Variants in ZNF362 observed in about 807,000 individuals in gnomAD.
ZNF362 encodes rotund homolog.
In ZNF362, 11 loss-of-function variants were observed where a neutral mutation model predicts 42.9. The observed-to-expected ratio is 0.26, with a 90% CI of 0.16 to 0.42. ZNF362 has a LOEUF of 0.42. ZNF362 is among the 20% of genes least tolerant of loss of function. The pLI is 1.00. For missense variants in ZNF362, 362 were observed against 576.2 expected (o/e 0.63, Z 3.81); for synonymous variants, 255 against 257.3 (o/e 0.99, Z 0.09).
At chr1:33,190,801 G>A in the ZNF362 span, among the ~76,000 whole-genome samples, 3 of 152,188 alleles carry the variant, frequency 2.0e-5, no homozygotes, top group African/African-American at 7.2e-5. Context: ...CTGCCAATGA[G>A]GAGGGCAGGA....
At chr1:33,220,293 A>T in the ZNF362 span, among the ~76,000 whole-genome samples, 3 of 152,218 alleles carry the variant, frequency 2.0e-5, no homozygotes, top group Non-Finnish European at 4.4e-5. Flanking sequence ...TTTATTAATA[A>T]TGATAGCAAT....
At chr1:33,210,596 A>C in the ZNF362 span, among the ~76,000 whole-genome samples, 2 of 152,156 alleles carry the variant, frequency 1.3e-5, no homozygotes, top group Non-Finnish European at 2.9e-5. Context: ...TTGCTTTATG[A>C]ATCGTGATGC....
chr1:33,234,830 T>G, the ZNF362 span, among the ~76,000 whole-genome samples: 1 of 152,142 alleles, frequency 6.6e-6, no homozygotes, highest in Non-Finnish European at 1.5e-5. Context: ...ATGCAGGAAG[T>G]GGGACCCCTC....
chr1:33,257,562 T>TG (rs905571398), intron 1 of ZNF362, among the ~76,000 whole-genome samples: 5 of 141,286 alleles, frequency 3.5e-5, no homozygotes, highest in African/African-American at 7.9e-5. Flanking sequence ...GGGATGGGGG[T>TG]GGGGGGGCGG....
the ZNF362 span, among the ~76,000 whole-genome samples, chr1:33,193,612 G>C: frequency 1.3e-5 from 2 of 152,176 alleles, no homozygotes; most frequent in Non-Finnish European, 2.9e-5. Context: ...TTATTGAGGG[G>C]TAATGCCTGT....
the ZNF362 span, chr1:33,147,791 G>C: frequency 6.5e-7 from 1 of 1,542,952 alleles, no homozygotes; most frequent in Non-Finnish European, 8.8e-7. The surrounding 1 kb of genome is among the most constrained non-coding windows in gnomAD (Gnocchi z 8.1). Flanking sequence ...ACCATGCAGT[G>C]CCTTCCTGAG....
chr1:33,296,800 A>C (rs2148142237), intron 8 of ZNF362, among the ~76,000 whole-genome samples: 1 of 150,746 alleles, frequency 6.6e-6, no homozygotes, highest in South Asian at 2.1e-4. Context: ...ATGGGAAGCT[A>C]CAGGGAGGGG....
At chr1:33,189,661 A>ATATATATATATATATG in the ZNF362 span, among the ~76,000 whole-genome samples, 3 of 20,012 alleles carry the variant, frequency 1.5e-4, no homozygotes, top group Non-Finnish European at 4.4e-4. Context: ...ATATATATAT[A>ATATATATATATATATG]TATATATATA....
the ZNF362 span, among the ~76,000 whole-genome samples, chr1:33,219,313 C>A: frequency 2.6e-5 from 4 of 152,344 alleles, no homozygotes; most frequent in African/African-American, 9.6e-5. Flanking sequence ...CACAGTGGGC[C>A]TGCCCAGCCC....
the ZNF362 span, chr1:33,158,188 CA>C: frequency 1.6e-5 from 23 of 1,471,100 alleles, no homozygotes; most frequent in Non-Finnish European, 2.0e-5. Context: ...GTGTTTAGGA[CA>C]GGGGGCTGGG....
chr1:33,158,943 CA>C, the ZNF362 span, among the ~76,000 whole-genome samples: 10 of 152,056 alleles, frequency 6.6e-5, no homozygotes, highest in Admixed American at 2.0e-4. Context: ...TGGGTTCAAG[CA>C]ATTCTCCTGC....
At chr1:33,193,430 A>G in the ZNF362 span, among the ~76,000 whole-genome samples, 7 of 152,252 alleles carry the variant, frequency 4.6e-5, no homozygotes, top group Non-Finnish European at 8.8e-5. Context: ...CTTCTATAGA[A>G]AACAACTCCC....
chr1:33,219,925 C>G, the ZNF362 span, among the ~76,000 whole-genome samples: 1 of 152,222 alleles, frequency 6.6e-6, no homozygotes, highest in Non-Finnish European at 1.5e-5. Context: ...CCCCTAGATA[C>G]CCTTTTCCAG....
chr1:33,276,026 G>A, intron 2 of ZNF362, 74 bp from the exon 3 acceptor site: 3 of 1,552,254 alleles, frequency 1.9e-6, no homozygotes, highest in Non-Finnish European at 2.7e-6. Context: ...ACTTGAGTGG[G>A]CGCAGCTGAG....
intron 2 of ZNF362, among the ~76,000 whole-genome samples, chr1:33,274,177 C>T (rs745979933): frequency 6.6e-6 from 1 of 152,212 alleles, no homozygotes; most frequent in Admixed American, 6.5e-5. Context: ...GGTCAGGATG[C>T]GTCATTCCCC....
At position 33,281,530 on chromosome 1, in the gene ZNF362, C is replaced by T; in HGVS notation, c.684-57C>T. On this transcript the variant is annotated intron_variant, in intron 5 of 8. Transcript: ENST00000539719. The surrounding 1 kb of genome is among the most constrained non-coding windows in gnomAD (Gnocchi z 4.8). Reference sequence around the variant, plus strand: ...AGGTCTCTCTGATGTAGAAGGCCTCCCCTGAGATGGACAGTCTGGGGGATC... The same window carrying T: ...AGGTCTCTCTGATGTAGAAGGCCTCTCCTGAGATGGACAGTCTGGGGGATC... 3 of 1,567,268 alleles carry T rather than the reference C, an allele frequency of 1.9e-6. No individual in the cohort carries two copies. Among genetic ancestry groups the T allele is most frequent in the Non-Finnish European group, 2.6e-6 (3 of 1,139,566 alleles).
At chr1:33,170,883 G>A in the ZNF362 span, among the ~76,000 whole-genome samples, 1 of 152,202 alleles carries the variant, frequency 6.6e-6, no homozygotes, top group East Asian at 1.9e-4. Flanking sequence ...TGAGACAATG[G>A]TAAGAAGTGT....
At chr1:33,274,401 C>T (rs1645927392) in intron 2 of ZNF362, among the ~76,000 whole-genome samples, 1 of 152,228 alleles carries the variant, frequency 6.6e-6, no homozygotes, top group Non-Finnish European at 1.5e-5. Flanking sequence ...TAACTTGCAG[C>T]CTCCTCACCA....
chr1:33,264,269 G>A (rs1216470390), intron 1 of ZNF362, among the ~76,000 whole-genome samples: 1 of 152,034 alleles, frequency 6.6e-6, no homozygotes, highest in African/African-American at 2.4e-5. Context: ...TGGTCCCTGT[G>A]GGTCCTGAAG....
Sources: gnomAD v4.1 joint callset for allele counts (sites outside exome capture counted in the v4.1 genomes callset) on GRCh38, gnomAD v4.1.1 for gene constraint, Gnocchi (gnomAD v3.1) non-coding constraint, MANE v1.5 for transcripts, NCBI Gene and HGNC (gene_info 2026-07-23, HGNC 2026-07-21) for gene names.